Variants in NUP160 observed in about 807,000 individuals in gnomAD.
NUP160 encodes the protein nucleoporin 160.
NUP160 carries 94 observed loss-of-function variants against 196.9 expected under a neutral mutation model. The ratio of observed to expected loss-of-function variants is 0.48; its 90% CI spans 0.40 to 0.57. NUP160 has a LOEUF of 0.57. Among genes scored for constraint, NUP160 ranks in the 20% least tolerant of loss-of-function variants. NUP160 has a pLI of 0.00. For synonymous variants in NUP160, 605 were observed against 619.7 expected (o/e 0.98, Z 0.35); for missense variants, 1,638 against 1,748.3 (o/e 0.94, Z 1.13).
chr11:47,848,298 C>A, exon 1 of NUP160: 1 of 1,614,062 alleles, frequency 6.2e-7, no homozygotes, highest in East Asian at 2.2e-5. Context: ...AGCTCCGTTC[C>A]AGGGCTCCCG....
chr11:47,806,787 C>CTATA (rs1432232426), intron 19 of NUP160, among the ~76,000 whole-genome samples: 2 of 74,916 alleles, frequency 2.7e-5, no homozygotes, highest in Non-Finnish European at 6.2e-5. Context: ...GGGAAAGCAG[C>CTATA]TATACACACA....
At chr11:47,808,636 A>G in intron 17 of NUP160, 107 bp from the exon 18 acceptor site, 1 of 811,684 alleles carries the variant, frequency 1.2e-6, no homozygotes, top group East Asian at 2.9e-5. Flanking sequence ...CAAAGGTCAC[A>G]ATACTGTAAA....
At chr11:47,847,644 G>C (rs558804787) in intron 2 of NUP160, among the ~76,000 whole-genome samples, 7 of 100,862 alleles carry the variant, frequency 6.9e-5, no homozygotes, top group Non-Finnish European at 1.4e-4. Context: ...TGTGTGTGTG[G>C]GGGTGGGGGG....
Position 47,812,200 on chromosome 11 carries a change from T to G in NUP160, c.2105A>C (p.Asn702Thr), listed in dbSNP as rs1452486118. The G allele has an allele frequency of 6.2e-6, 10 of 1,614,012 alleles. No homozygotes were observed. Among genetic ancestry groups the G allele is most frequent in the Non-Finnish European group, 6.8e-6 (8 of 1,180,030 alleles). The change falls in exon 17 of 36, where the codon AAT becomes ACT. Residue 702 changes from asparagine to threonine, a missense_variant. Physicochemically the swap from Asn to Thr is moderately conservative, Grantham distance 65. Coordinates refer to ENST00000378460, the Ensembl canonical transcript of NUP160. ...GTTACTACCATAGAGCTGGGTAAGA[T>G]TCATTCGAATATTCAAAGGCTGAGC... is the stretch of plus-strand genomic sequence containing the variant.
At chr11:47,803,091 G>C (rs915320347) in intron 22 of NUP160, among the ~76,000 whole-genome samples, 1 of 151,158 alleles carries the variant, frequency 6.6e-6, no homozygotes, top group Non-Finnish European at 1.5e-5. Flanking sequence ...GCCAAGGTGG[G>C]AGGATCGCTT....
chr11:47,803,817 G>A lies in NUP160; in HGVS notation c.2677-281C>T, dbSNP rs1168240627. 2.0e-5 allele frequency among the ~76,000 whole-genome samples: 3 copies of A among 152,146 alleles called. No individual in the cohort carries two copies. In the East Asian group the frequency reaches 5.8e-4, roughly 29 times the overall value. ...TTATTGGTTCAATGACTAGATTCCA[G>A]TAAAGGATTTATATGAAAACAATAG... On this transcript the variant is annotated intron_variant, in intron 21 of 35. Coordinates refer to ENST00000378460, the Ensembl canonical transcript of NUP160.
intron 2 of NUP160, among the ~76,000 whole-genome samples, chr11:47,841,017 T>TAC (rs59211788): frequency 0.11 from 16,113 of 151,298 alleles, 1,569 homozygotes; most frequent in East Asian, 0.3. Context: ...CGCACACATA[T>TAC]ACACACACAC....
At chr11:47,782,546 AAC>A (rs1022245890) in intron 34 of NUP160, among the ~76,000 whole-genome samples, 1 of 151,342 alleles carries the variant, frequency 6.6e-6, no homozygotes, top group African/African-American at 2.4e-5. Context: ...AAAATCATCT[AAC>A]AGAAAGCCTA....
At chr11:47,802,058 A>T in intron 22 of NUP160, 128 bp from the exon 23 acceptor site, 1 of 771,760 alleles carries the variant, frequency 1.3e-6, no homozygotes, top group Non-Finnish European at 2.1e-6. Context: ...TACTCTATGT[A>T]TAGTTTCTGA....
intron 11 of NUP160, among the ~76,000 whole-genome samples, chr11:47,817,603 C>T (rs916892941): frequency 7.2e-5 from 11 of 152,152 alleles, no homozygotes. Flanking sequence ...CCTCAGCCTC[C>T]CGAAGTGCTG....
intron 11 of NUP160, 32 bp from the exon 12 acceptor site, chr11:47,816,061 T>C (rs2097684250): frequency 2.1e-6 from 3 of 1,442,182 alleles, no homozygotes; most frequent in African/African-American, 1.4e-5. Flanking sequence ...GACTTCTATA[T>C]AATAGCCAAA....
At chr11:47,810,139 G>C (rs1212559912) in intron 17 of NUP160, among the ~76,000 whole-genome samples, 1 of 151,910 alleles carries the variant, frequency 6.6e-6, no homozygotes, top group Non-Finnish European at 1.5e-5. Flanking sequence ...CAACCTAACA[G>C]ACTTTCAGGA....
chr11:47,845,908 G>C (rs140942907), intron 2 of NUP160, among the ~76,000 whole-genome samples: 285 of 152,250 alleles, frequency 1.9e-3, no homozygotes, highest in Middle Eastern at 0.014. Flanking sequence ...CGAGAACGGG[G>C]CACTGCTTGA....
exon 6 of NUP160, chr11:47,836,902 T>G (rs1599346521): frequency 6.2e-7 from 1 of 1,602,436 alleles, no homozygotes; most frequent in East Asian, 2.2e-5. Flanking sequence ...AAGACCACAT[T>G]CGTAGTTTAT....
At chr11:47,806,244 G>A in exon 20 of NUP160, 3 of 1,613,536 alleles carry the variant, frequency 1.9e-6, no homozygotes, top group Non-Finnish European at 2.5e-6. Flanking sequence ...TGAGAGAAGA[G>A]GTGAGATATA....
upstream of NUP160, chr11:47,848,519 A>C (rs1337015694): frequency 1.1e-6 from 1 of 944,224 alleles, no homozygotes; most frequent in African/African-American, 1.7e-5. Context: ...GGGGCAGGGG[A>C]GGCAGACTCT....
chr11:47,814,689 G>C (rs1249192829), intron 13 of NUP160, among the ~76,000 whole-genome samples: 1 of 151,978 alleles, frequency 6.6e-6, no homozygotes, highest in Non-Finnish European at 1.5e-5. Context: ...CAAATAACCT[G>C]ATTTTTAAAT....
chr11:47,821,671 T>C, intron 9 of NUP160, 53 bp downstream of exon 9: 1 of 1,356,176 alleles, frequency 7.4e-7, no homozygotes, highest in Non-Finnish European at 1.1e-6. Context: ...CTCGTCTTCT[T>C]AGCATGAAAT....
chr11:47,839,852 C>A (rs1288081050), exon 4 of NUP160: 1 of 1,612,766 alleles, frequency 6.2e-7, no homozygotes, highest in Non-Finnish European at 8.5e-7. Context: ...CCAGGTATGT[C>A]ATAAGGAGGT....
Sources: gnomAD v4.1 joint callset for allele counts (sites outside exome capture counted in the v4.1 genomes callset) on GRCh38, gnomAD v4.1.1 for gene constraint, MANE v1.5 for transcripts, NCBI Gene and HGNC (gene_info 2026-07-23, HGNC 2026-07-21) for gene names.